The following PAPSS2 variants were observed in gnomAD, a reference collection of about 807,000 sequenced individuals.
The protein encoded by PAPSS2 is 3'-phosphoadenosine 5'-phosphosulfate synthase 2.
Under a neutral mutation model 66.5 loss-of-function variants are expected in PAPSS2, and 61 were observed. That is an observed-to-expected ratio of 0.92 (90% CI 0.75 to 1.14). The LOEUF is 1.14. Among genes scored for constraint, PAPSS2 ranks in the 50% most tolerant of loss-of-function variants. The pLI is 0.00. For missense variants in PAPSS2, 708 were observed against 789.6 expected, an observed-to-expected ratio of 0.90 and a Z score of 1.24; for synonymous variants, 289 against 287.5, an observed-to-expected ratio of 1.01 and a Z score of -0.05.
chr10:87,696,564 C>G (rs1025564101), intron 1 of PAPSS2, among the ~76,000 whole-genome samples: 1 of 152,150 alleles, frequency 6.6e-6, no homozygotes, highest in Non-Finnish European at 1.5e-5. Context: ...TGTATGCACA[C>G]CCAGCTGCTC....
In PAPSS2 at chr10:87,745,054, TG is replaced by T; in HGVS notation, c.1548del (p.Arg517GlyfsTer25). The T allele has an allele frequency of 6.2e-7, 1 of 1,614,098 alleles. No homozygotes were observed. The highest frequency in any genetic ancestry group is 8.5e-7 in the Non-Finnish European group (1 of 1,179,978). ...ATTGCGGGTGCCAATTTCTACATTGTGGGGAGGGACCCTGCAGGAATGCCCC... is the reference window on the plus strand; with the variant it reads ...ATTGCGGGTGCCAATTTCTACATTGTGGGAGGGACCCTGCAGGAATGCCCC... ...RMIAGANFYIVGRDPAGMPHP... is the reference protein window; with the variant it reads ...RMIAGANFYIXGRDPAGMPHP... On this transcript the variant is annotated frameshift_variant, in exon 12 of 13. Transcript: ENST00000456849. LOFTEE classifies it high-confidence loss of function.
chr10:87,663,205 G>A (rs10749556), intron 1 of PAPSS2, among the ~76,000 whole-genome samples: 94,537 of 147,706 alleles, frequency 0.64, 30,451 homozygotes, highest in East Asian at 0.92. Context: ...TCCGCCTCCC[G>A]AGTTCAAGCA....
At chr10:87,732,926 G>A (rs1028377407) in intron 9 of PAPSS2, among the ~76,000 whole-genome samples, 6 of 152,338 alleles carry the variant, frequency 3.9e-5, no homozygotes, top group East Asian at 1.9e-4. Context: ...ACCAGAGAGA[G>A]AAAGCCACTC....
At chr10:87,707,564 CT>C (rs747152482) in intron 1 of PAPSS2, among the ~76,000 whole-genome samples, 1,463 of 94,010 alleles carry the variant, frequency 0.016, 1 homozygote, top group African/African-American at 0.019. Context: ...TCTTTTTTTT[CT>C]TTTTTTTTTT....
intron 1 of PAPSS2, among the ~76,000 whole-genome samples, chr10:87,687,827 CTT>C (rs141186623): frequency 0.13 from 19,019 of 151,860 alleles, 1,459 homozygotes; most frequent in East Asian, 0.22. Flanking sequence ...TTAAAAAACT[CTT>C]AAAAAGAAAA....
chr10:87,686,111 T>C (rs892710108), intron 1 of PAPSS2, among the ~76,000 whole-genome samples: 1 of 151,490 alleles, frequency 6.6e-6, no homozygotes, highest in Non-Finnish European at 1.5e-5. Context: ...AGAAGTGATT[T>C]TGGCAGCCTT....
At chr10:87,684,601 G>C (rs1361638722) in intron 1 of PAPSS2, among the ~76,000 whole-genome samples, 1 of 152,206 alleles carries the variant, frequency 6.6e-6, no homozygotes, top group Non-Finnish European at 1.5e-5. Context: ...TGCATCCTTA[G>C]TGTTGTGCGT....
At chr10:87,745,270 A>G (rs1221782913) in intron 12 of PAPSS2, 39 bp downstream of exon 12, 1 of 1,502,608 alleles carries the variant, frequency 6.7e-7, no homozygotes, top group African/African-American at 1.4e-5. Flanking sequence ...CAACATCTGT[A>G]TAAAAGAAAT....
intron 7 of PAPSS2, among the ~76,000 whole-genome samples, chr10:87,717,207 G>T (rs1853542758): frequency 6.6e-6 from 1 of 152,182 alleles, no homozygotes; most frequent in South Asian, 2.1e-4. Context: ...CTGAAGTAAA[G>T]GTCATTGGAC....
intron 11 of PAPSS2, among the ~76,000 whole-genome samples, chr10:87,743,926 A>C (rs1484369626): frequency 6.6e-6 from 1 of 151,956 alleles, no homozygotes; most frequent in Non-Finnish European, 1.5e-5. Context: ...ACATGATGAA[A>C]CCCTGTCTCT....
At chr10:87,738,308 T>C (rs1005743211) in intron 9 of PAPSS2, among the ~76,000 whole-genome samples, 3 of 152,238 alleles carry the variant, frequency 2.0e-5, no homozygotes, top group African/African-American at 4.8e-5. Context: ...TTTTCCATAG[T>C]GGTTGCACCT....
chr10:87,730,368 G>A (rs1004869351), intron 9 of PAPSS2, among the ~76,000 whole-genome samples: 2 of 152,188 alleles, frequency 1.3e-5, no homozygotes, highest in African/African-American at 4.8e-5. Flanking sequence ...CAGGAAATCA[G>A]GTTACGCTGG....
chr10:87,709,309 A>C lies in PAPSS2; in HGVS notation c.141A>C (p.Leu47=). Residue 47 remains leucine (L), a synonymous_variant, in exon 2 of 13, where the codon CTA becomes CTC. Coordinates refer to ENST00000456849, the MANE Select transcript of PAPSS2 (RefSeq NM_001015880.2). ...RGGFRGCTVW[L]TGLSGAGKTT... is the part of the protein sequence containing the mutation. ...GGTTCCGAGGATGTACCGTGTGGCTAACAGGTATGTCATGTTCATATATAT... is the reference window on the plus strand; with the variant it reads ...GGTTCCGAGGATGTACCGTGTGGCTCACAGGTATGTCATGTTCATATATAT... 11 of 1,563,164 alleles carry C rather than the reference A, an allele frequency of 7.0e-6. No homozygotes were observed. The highest frequency in any genetic ancestry group is 9.6e-6 in the Non-Finnish European group (11 of 1,140,304).
chr10:87,699,370 C>T (rs1428050042), intron 1 of PAPSS2, among the ~76,000 whole-genome samples: 1 of 152,214 alleles, frequency 6.6e-6, no homozygotes, highest in African/African-American at 2.4e-5. Flanking sequence ...CTCACTGCAG[C>T]CTCCTGGGCT....
At chr10:87,667,094 T>C (rs113573679) in intron 1 of PAPSS2, among the ~76,000 whole-genome samples, 85 of 152,346 alleles carry the variant, frequency 5.6e-4, no homozygotes, top group African/African-American at 2.0e-3. Flanking sequence ...AAGCATTGAA[T>C]TTGTTATAAA....
chr10:87,731,839 A>G (rs1310562118), intron 9 of PAPSS2, among the ~76,000 whole-genome samples: 1 of 152,234 alleles, frequency 6.6e-6, no homozygotes, highest in Non-Finnish European at 1.5e-5. Flanking sequence ...CTTCCTATGA[A>G]TGAGCAAATA....
intron 8 of PAPSS2, among the ~76,000 whole-genome samples, chr10:87,725,769 C>T (rs531076567): frequency 6.6e-6 from 1 of 151,958 alleles, no homozygotes; most frequent in Admixed American, 6.6e-5. Flanking sequence ...GATCAGGGCT[C>T]ATTGCAGCCT....
At chr10:87,715,543 T>C (rs1008172971) in intron 6 of PAPSS2, among the ~76,000 whole-genome samples, 189 bp from the exon 7 acceptor site, 4 of 152,256 alleles carry the variant, frequency 2.6e-5, no homozygotes, top group African/African-American at 4.8e-5. Context: ...CACTATTTCA[T>C]AGGAAACTTC....
chr10:87,730,350 G>T (rs749484344), intron 9 of PAPSS2, among the ~76,000 whole-genome samples: 22 of 152,198 alleles, frequency 1.4e-4, no homozygotes, highest in Non-Finnish European at 2.8e-4. Context: ...GCCAAAACCA[G>T]GTTATGGCAG....
Sources: allele counts gnomAD v4.1 joint callset (sites outside exome capture counted in the v4.1 genomes callset), GRCh38; gene constraint gnomAD v4.1.1; transcripts MANE v1.5; gene names NCBI Gene and HGNC (gene_info 2026-07-23, HGNC 2026-07-21).